The following GRIK3 variants were observed in gnomAD, a reference collection of about 807,000 sequenced individuals.
The protein encoded by GRIK3 is glutamate receptor ionotropic, kainate 3.
A neutral mutation model predicts 102.5 loss-of-function variants in GRIK3; 29 were observed. The ratio of observed to expected loss-of-function variants is 0.28; its 90% CI spans 0.21 to 0.39. The LOEUF is 0.39. Among genes scored for constraint, GRIK3 ranks in the 10% least tolerant of loss-of-function variants. The pLI is 1.00. For missense variants in GRIK3, 908 were observed against 1,252.4 expected (o/e 0.73, Z 4.15); for synonymous variants, 511 against 504.9 (o/e 1.01, Z -0.16).
chr1:36,954,066 A>G (rs1380876747), intron 1 of GRIK3, among the ~76,000 whole-genome samples: 3 of 152,182 alleles, frequency 2.0e-5, no homozygotes, highest in African/African-American at 7.2e-5. Context: ...GGGATCTACT[A>G]GGTGCAAGGG....
intron 1 of GRIK3, among the ~76,000 whole-genome samples, chr1:36,894,315 T>C (rs534150240): frequency 1.6e-4 from 24 of 152,370 alleles, no homozygotes; most frequent in African/African-American, 5.8e-4. Flanking sequence ...TCCATATTAG[T>C]GTCATGTATC....
chr1:36,966,070 A>G (rs1316001088), intron 1 of GRIK3, among the ~76,000 whole-genome samples: 1 of 152,222 alleles, frequency 6.6e-6, no homozygotes. Context: ...TTGCTCTAGA[A>G]GAGAAATATG....
chr1:36,966,863 C>T (rs1642084748), intron 1 of GRIK3, among the ~76,000 whole-genome samples: 2 of 151,932 alleles, frequency 1.3e-5, no homozygotes, highest in African/African-American at 4.8e-5. Context: ...CATGGTGAGT[C>T]CCTCATTCAT....
At chr1:37,031,682 C>G (rs1642829653) in intron 1 of GRIK3, among the ~76,000 whole-genome samples, 1 of 152,234 alleles carries the variant, frequency 6.6e-6, no homozygotes, top group Non-Finnish European at 1.5e-5. Context: ...CTTAAAGCCC[C>G]AGCCAGAACC....
intron 6 of GRIK3, 109 bp downstream of exon 6, chr1:36,859,735 T>C: frequency 1.1e-6 from 1 of 889,502 alleles, no homozygotes. Context: ...ACATGGAAGG[T>C]CTCAAGAAGA....
chr1:36,962,820 G>A (rs1352906530), intron 1 of GRIK3, among the ~76,000 whole-genome samples: 1 of 149,572 alleles, frequency 6.7e-6, no homozygotes, highest in Non-Finnish European at 1.5e-5. Flanking sequence ...GGAGGCGGAG[G>A]TTGCAGTGAG....
In GRIK3 at chr1:36,819,021, C is replaced by T. The variant is rs1642667911; in HGVS notation, c.1873+715G>A. Among the ~76,000 whole-genome samples the T allele has an allele frequency of 6.6e-6, 1 of 152,202 alleles. No individual in the cohort carries two copies. Among genetic ancestry groups the T allele is most frequent in the Non-Finnish European group, 1.5e-5 (1 of 68,038 alleles). ...CTCTCCCTGTGCCTGCCCTCCTGCT[C>T]CCTGCTGTCTCTGCATCTGACTCCT... On this transcript the variant is annotated intron_variant, in intron 12 of 15. Coordinates refer to ENST00000373091, the MANE Select transcript of GRIK3 (RefSeq NM_000831.4). The surrounding 1 kb of genome is among the most constrained non-coding windows in gnomAD (Gnocchi z 4.1).
intron 1 of GRIK3, among the ~76,000 whole-genome samples, chr1:36,956,519 C>T (rs1474939355): frequency 2.0e-5 from 3 of 152,270 alleles, no homozygotes; most frequent in South Asian, 4.2e-4. Flanking sequence ...TCCCAGCTCC[C>T]AAGAAAACAG....
chr1:36,819,967 A>G lies in GRIK3; in HGVS notation c.1755-113T>C, dbSNP rs1162326153. ...CAGCCGCCTCAGCGTCAATATCCTC[A>G]TGGTTCTGCTGGGAGGCAGGGCAGG... is the stretch of plus-strand genomic sequence containing the variant. On this transcript the variant is annotated intron_variant, in intron 11 of 15. Coordinates refer to ENST00000373091, the MANE Select transcript of GRIK3 (RefSeq NM_000831.4). This position sits in a 1 kb window ranked among gnomAD's most constrained non-coding sequence, Gnocchi z 4.1. The G allele has an allele frequency of 4.5e-6, 3 of 662,538 alleles. No homozygotes were observed. Among genetic ancestry groups the G allele is most frequent in the Non-Finnish European group, 8.4e-6 (3 of 355,916 alleles). The allele number at this position is 662,538 out of a possible 1,614,324, so 41.0% of individuals were successfully genotyped here.
intron 15 of GRIK3, chr1:36,804,477 G>A (rs1241551998): frequency 6.3e-6 from 1 of 157,886 alleles, no homozygotes; most frequent in Non-Finnish European, 1.4e-5. Context: ...CAGAAGGCCT[G>A]AGCCTAGTTC....
chr1:36,957,116 C>A (rs1475218793), intron 1 of GRIK3, among the ~76,000 whole-genome samples: 11 of 152,390 alleles, frequency 7.2e-5, no homozygotes, highest in Admixed American at 5.9e-4. Context: ...TAAGGCTGGG[C>A]TGAGTCCTGA....
chr1:36,941,029 C>T (rs970223055), intron 1 of GRIK3, among the ~76,000 whole-genome samples: 3 of 152,254 alleles, frequency 2.0e-5, no homozygotes, highest in Admixed American at 6.5e-5. Flanking sequence ...ATTAGACCCC[C>T]TGACCTCCTG....
In GRIK3 at chr1:36,827,783, G is replaced by A. The variant is rs144880686; in HGVS notation, c.1531-1957C>T. 2.2e-4 allele frequency among the ~76,000 whole-genome samples: 33 copies of A among 152,174 alleles called. No individual in the cohort carries two copies. The East Asian group carries it at 3.9e-3, about 18-fold the overall frequency. ...TCTGGACAGCTCTGCAGGTGCTCCC[G>A]GCTGGGAGCAGCTGGGAAATACAAC... On this transcript the variant is annotated intron_variant, in intron 10 of 15. Transcript: ENST00000373091.
intron 1 of GRIK3, among the ~76,000 whole-genome samples, chr1:36,927,291 C>T (rs1303416655): frequency 5.3e-5 from 8 of 152,196 alleles, no homozygotes; most frequent in Non-Finnish European, 7.3e-5. Context: ...TCGTTTTCTC[C>T]ATCTACCTCC....
At chr1:36,827,038 C>T (rs898070464) in intron 10 of GRIK3, among the ~76,000 whole-genome samples, 7 of 152,256 alleles carry the variant, frequency 4.6e-5, no homozygotes, top group East Asian at 1.9e-4. Flanking sequence ...GTCTCATTCC[C>T]ACCACTGTCT....
At chr1:36,927,679 A>C (rs548031130) in intron 1 of GRIK3, among the ~76,000 whole-genome samples, 1 of 152,340 alleles carries the variant, frequency 6.6e-6, no homozygotes, top group South Asian at 2.1e-4. Context: ...AGGGTCAAAA[A>C]GCCTCTGTCG....
At chr1:36,946,237 T>C (rs1641783228) in intron 1 of GRIK3, among the ~76,000 whole-genome samples, 1 of 152,238 alleles carries the variant, frequency 6.6e-6, no homozygotes, top group African/African-American at 2.4e-5. Flanking sequence ...GAGGCAGGAC[T>C]GCACCAGGAC....
chr1:36,841,975 G>GAGC (rs760572699), intron 9 of GRIK3, 36 bp from the exon 10 acceptor site: 20 of 1,552,082 alleles, frequency 1.3e-5, no homozygotes, highest in Admixed American at 5.0e-5. Flanking sequence ...GACGAAGACT[G>GAGC]AGCAGCTAGG....
intron 11 of GRIK3, among the ~76,000 whole-genome samples, chr1:36,822,311 A>G (rs480058): frequency 0.015 from 2,298 of 152,322 alleles, 50 homozygotes; most frequent in African/African-American, 0.053. Context: ...CCGCTTCTAG[A>G]ATGGGCTTCT....
Sources: gnomAD v4.1 joint callset for allele counts (sites outside exome capture counted in the v4.1 genomes callset) on GRCh38, gnomAD v4.1.1 for gene constraint, Gnocchi (gnomAD v3.1) non-coding constraint, MANE v1.5 for transcripts, NCBI Gene and HGNC (gene_info 2026-07-23, HGNC 2026-07-21) for gene names.